CCDC194: variants seen among roughly 807,000 people sequenced by gnomAD.
CCDC194 encodes the protein coiled-coil domain containing 194, also known as coiled-coil domain-containing protein 194.
In CCDC194, 8 loss-of-function variants were observed where a neutral mutation model predicts 4.9. That is an observed-to-expected ratio of 1.65 (90% CI 0.97 to 2.97). The LOEUF (loss-of-function observed/expected upper bound fraction) is 2.97. Among genes scored for constraint, CCDC194 ranks in the 30% most tolerant of loss-of-function variants. The pLI, the probability that CCDC194 is intolerant of heterozygous loss-of-function variation, is 0.00. For synonymous variants in CCDC194, 13 were observed against 17.0 expected, an observed-to-expected ratio of 0.76 and a Z score of 0.58; for missense variants, 52 against 43.1, an observed-to-expected ratio of 1.21 and a Z score of -0.58.
chr19:17,391,559 T>G, intron 2 of CCDC194, 191 bp downstream of exon 2: 3 of 1,368,950 alleles, frequency 2.2e-6, no homozygotes, highest in Non-Finnish European at 2.9e-6. Flanking sequence ...GTTTGCATGT[T>G]TTGTGGCATT....
downstream of CCDC194, among the ~76,000 whole-genome samples, chr19:17,390,158 A>G (rs760826140): frequency 3.3e-5 from 5 of 152,140 alleles, no homozygotes; most frequent in Admixed American, 6.6e-5. This position sits in a 1 kb window ranked among gnomAD's most constrained non-coding sequence, Gnocchi z 5.5. Flanking sequence ...CTGAAACCCA[A>G]AGAGGGAAAG....
intron 1 of CCDC194, among the ~76,000 whole-genome samples, chr19:17,392,556 G>A (rs996827015): frequency 6.6e-6 from 1 of 152,086 alleles, no homozygotes; most frequent in South Asian, 2.1e-4. Context: ...GGTATGTGTC[G>A]GTTGCCTGTG....
At chr19:17,388,054 T>A (rs1040782294), downstream of CCDC194, among the ~76,000 whole-genome samples, 15 of 151,454 alleles carry the variant, frequency 9.9e-5, no homozygotes, top group Non-Finnish European at 1.6e-4. Context: ...GCCCGGCTAA[T>A]TTTTTGTATT....
exon 1 of CCDC194, chr19:17,393,955 G>C (rs8111437): frequency 0.78 from 307,314 of 395,566 alleles, 125,035 homozygotes; most frequent in Non-Finnish European, 0.88. Context: ...GGCGCCGCAG[G>C]TCGTCGACCC....
chr19:17,388,087 C>T (rs888391747), downstream of CCDC194, among the ~76,000 whole-genome samples: 4 of 151,330 alleles, frequency 2.6e-5, no homozygotes, highest in Non-Finnish European at 5.9e-5. Flanking sequence ...AGGGTTTCAC[C>T]GTGTTAGCCA....
chr19:17,391,944 C>CTGAG, intron 1 of CCDC194, 98 bp from the exon 2 acceptor site: 1 of 1,130,130 alleles, frequency 8.8e-7, no homozygotes, highest in Non-Finnish European at 1.2e-6. Flanking sequence ...CACCTGCGAC[C>CTGAG]CTGTGTCCTG....
downstream of CCDC194, among the ~76,000 whole-genome samples, chr19:17,390,205 C>T (rs545832517): frequency 6.6e-6 from 1 of 152,236 alleles, no homozygotes; most frequent in South Asian, 2.1e-4. This position sits in a 1 kb window ranked among gnomAD's most constrained non-coding sequence, Gnocchi z 5.5. Context: ...AGGGCTAGAC[C>T]TCCAGTCCTC....
chr19:17,393,232 A>C (rs2074661353), intron 1 of CCDC194, among the ~76,000 whole-genome samples: 2 of 152,122 alleles, frequency 1.3e-5, no homozygotes, highest in Non-Finnish European at 2.9e-5. Context: ...TCCTAATTAC[A>C]GGTGACATGT....
At chr19:17,387,841 A>T (rs1401009248), downstream of CCDC194, among the ~76,000 whole-genome samples, 1 of 152,112 alleles carries the variant, frequency 6.6e-6, no homozygotes, top group Non-Finnish European at 1.5e-5. Flanking sequence ...ATAGCGTTCC[A>T]CTGTGGATGG....
exon 1 of CCDC194, chr19:17,394,080 C>G (rs2074665294): frequency 7.7e-6 from 3 of 390,742 alleles, no homozygotes; most frequent in South Asian, 1.3e-4. Flanking sequence ...CCGGCTGCTG[C>G]CGCAGCCAGG....
At chr19:17,387,989 C>G (rs1382130727), downstream of CCDC194, among the ~76,000 whole-genome samples, 4 of 151,148 alleles carry the variant, frequency 2.6e-5, no homozygotes, top group African/African-American at 9.7e-5. Flanking sequence ...CAGGTTCATG[C>G]CATTCTCCCG....
At chr19:17,389,785 T>C (rs2074647524), downstream of CCDC194, among the ~76,000 whole-genome samples, 1 of 152,074 alleles carries the variant, frequency 6.6e-6, no homozygotes, top group African/African-American at 2.4e-5. Context: ...GCCAACATGG[T>C]GTAACCCCGT....
At chr19:17,389,020 T>A (rs2074645240), downstream of CCDC194, among the ~76,000 whole-genome samples, 1 of 151,834 alleles carries the variant, frequency 6.6e-6, no homozygotes, top group Non-Finnish European at 1.5e-5. Context: ...TGATATTATT[T>A]GTAGAGACAG....
At position 17,393,376 on chromosome 19, in the gene CCDC194, CT is replaced by C. The variant is rs551933814; in HGVS notation, c.324+458del. ...TGGCAAATAGCAAAGGACAGTGAGACTTTTTTTTTTTTTTTTTTTTTTTTTT... is the reference window on the plus strand; with the variant it reads ...TGGCAAATAGCAAAGGACAGTGAGACTTTTTTTTTTTTTTTTTTTTTTTTT... On this transcript the variant is annotated intron_variant, in intron 1 of 3. Transcript: ENST00000636079. Among the ~76,000 whole-genome samples, 524 of 115,146 alleles carry C rather than the reference CT, an allele frequency of 4.6e-3. 1 individual carries two copies. Among genetic ancestry groups the C allele is most frequent in the African/African-American group, 0.015 (364 of 24,428 alleles). The allele number at this position is 115,146 out of a possible 152,430, so 75.5% of individuals were successfully genotyped here. A position where few individuals can be genotyped will look rare whatever the true frequency, so the allele number is the denominator to read the frequency against.
At chr19:17,391,382 G>GCCCCCCCCCCCCC in intron 2 of CCDC194, 39 bp from the exon 3 acceptor site, 1 of 404,724 alleles carries the variant, frequency 2.5e-6, no homozygotes, top group Non-Finnish European at 4.4e-6. Context: ...GGAGACTCCC[G>GCCCCCCCCCCCCC]CGCCCACCCG....
chr19:17,390,741 C>A lies in CCDC194; in HGVS notation c.555-82G>T. On this transcript the variant is annotated intron_variant, in intron 3 of 3. Transcript: ENST00000636079. This position sits in a 1 kb window ranked among gnomAD's most constrained non-coding sequence, Gnocchi z 5.5. ...CCAGCCCTCATCCGCCAGAGCGTCCCTTTGCTGGGAACTCCATCCCCAGAG... is the reference window on the plus strand; with the variant it reads ...CCAGCCCTCATCCGCCAGAGCGTCCATTTGCTGGGAACTCCATCCCCAGAG... 2.5e-6 allele frequency: 1 copy of A among 392,912 alleles called. No homozygotes were observed. Among genetic ancestry groups the A allele is most frequent in the South Asian group, 1.3e-4 (1 of 7,796 alleles). 24.3% of individuals were successfully genotyped at this position (392,912 alleles called of 1,614,324 possible). A position where few individuals can be genotyped will look rare whatever the true frequency, so the allele number is the denominator to read the frequency against.
At chr19:17,390,488 C>T (rs952625674), downstream of CCDC194, 5 of 392,976 alleles carry the variant, frequency 1.3e-5, no homozygotes, top group African/African-American at 1.0e-4. The surrounding 1 kb of genome is among the most constrained non-coding windows in gnomAD (Gnocchi z 5.5). Flanking sequence ...GGCCGACGCC[C>T]CCTTCCGGCA....
downstream of CCDC194, among the ~76,000 whole-genome samples, chr19:17,388,709 C>T (rs1214203594): frequency 6.6e-6 from 1 of 151,934 alleles, no homozygotes; most frequent in East Asian, 1.9e-4. Flanking sequence ...CCCTATGTTG[C>T]CCAGACTGGT....
exon 2 of CCDC194, chr19:17,391,793 C>T (rs889604244): frequency 5.2e-6 from 8 of 1,535,496 alleles, no homozygotes; most frequent in Non-Finnish European, 7.0e-6. Flanking sequence ...TCCCCTGTGC[C>T]TTGGCTTCGT....
Sources: gnomAD v4.1 joint callset for allele counts (sites outside exome capture counted in the v4.1 genomes callset) on GRCh38, gnomAD v4.1.1 for gene constraint, Gnocchi (gnomAD v3.1) non-coding constraint, MANE v1.5 for transcripts, NCBI Gene and HGNC (gene_info 2026-07-23, HGNC 2026-07-21) for gene names.